The following DCDC1 variants were observed in gnomAD, a reference collection of about 807,000 sequenced individuals.
DCDC1 encodes the protein doublecortin domain-containing protein 1.
Under a neutral mutation model 178.3 loss-of-function variants are expected in DCDC1, and 200 were observed. That is an observed-to-expected ratio of 1.12 (90% confidence interval 1.00 to 1.26). The LOEUF is 1.26. Ranked by LOEUF, DCDC1 falls within the 50% of genes most tolerant of loss-of-function variation. DCDC1 has a pLI of 0.00. For missense variants in DCDC1, 1,983 were observed against 1,749.2 expected (o/e 1.13, Z -2.38); for synonymous variants, 690 against 604.8 (o/e 1.14, Z -2.07).
At chr11:30,921,474 A>T (rs1946245531) in intron 24 of DCDC1, among the ~76,000 whole-genome samples, 1 of 152,196 alleles carries the variant, frequency 6.6e-6, no homozygotes, top group Non-Finnish European at 1.5e-5. Flanking sequence ...CAAAAGTCCA[A>T]AGATAGTTTT....
At chr11:31,170,843 T>A (rs1029769178) in intron 9 of DCDC1, among the ~76,000 whole-genome samples, 3 of 152,106 alleles carry the variant, frequency 2.0e-5, no homozygotes, top group Admixed American at 6.6e-5. Context: ...TTATTTATTT[T>A]TTTGAGATGG....
At chr11:31,047,424 C>G (rs896243901) in intron 20 of DCDC1, among the ~76,000 whole-genome samples, 2 of 151,952 alleles carry the variant, frequency 1.3e-5, no homozygotes, top group East Asian at 3.9e-4. Flanking sequence ...AAATAATAAT[C>G]AAGATTGTAT....
At chr11:31,031,824 T>C (rs1405479194) in intron 20 of DCDC1, among the ~76,000 whole-genome samples, 2 of 152,318 alleles carry the variant, frequency 1.3e-5, no homozygotes, top group East Asian at 3.9e-4. Flanking sequence ...CAATGACATT[T>C]GTAGTGTAGA....
intron 36 of DCDC1, among the ~76,000 whole-genome samples, chr11:30,888,076 GAGAGAGAGAAAGAAAGAAAGAA>G (rs1943368222): frequency 2.8e-5 from 3 of 108,614 alleles, no homozygotes; most frequent in African/African-American, 1.0e-4. Context: ...GAGAGAGAGA[GAGAGAGAGAAAGAAAGAAAGAA>G]AAAGAAAGAA....
chr11:31,136,760 A>G (rs941208969), intron 10 of DCDC1, among the ~76,000 whole-genome samples: 1 of 152,136 alleles, frequency 6.6e-6, no homozygotes, highest in African/African-American at 2.4e-5. Context: ...CGACATGAAA[A>G]TCATTTTCCC....
chr11:31,142,177 A>G (rs208108), intron 9 of DCDC1, among the ~76,000 whole-genome samples: 2 of 152,056 alleles, frequency 1.3e-5, no homozygotes, highest in Non-Finnish European at 2.9e-5. Flanking sequence ...AATTTGGTCA[A>G]CCTAGTTAAT....
chr11:31,294,837 A>G (rs1377153335), intron 6 of DCDC1, among the ~76,000 whole-genome samples: 5 of 150,828 alleles, frequency 3.3e-5, no homozygotes, highest in Non-Finnish European at 4.4e-5. Context: ...AAAGAAAGAA[A>G]GAAAGAAAGA....
chr11:31,351,218 G>A (rs1951056533), intron 1 of DCDC1, among the ~76,000 whole-genome samples: 1 of 151,906 alleles, frequency 6.6e-6, no homozygotes, highest in Non-Finnish European at 1.5e-5. Flanking sequence ...TTATTTATTG[G>A]TATTTTTCTT....
chr11:31,313,714 C>T (rs1303984204), intron 3 of DCDC1, among the ~76,000 whole-genome samples: 1 of 152,038 alleles, frequency 6.6e-6, no homozygotes, highest in Non-Finnish European at 1.5e-5. Flanking sequence ...TACTCATTGG[C>T]CCATATGTAG....
At chr11:30,919,244 A>G (rs1015309908) in intron 25 of DCDC1, among the ~76,000 whole-genome samples, 2 of 152,144 alleles carry the variant, frequency 1.3e-5, no homozygotes, top group African/African-American at 4.8e-5. Flanking sequence ...AGAGAAACAT[A>G]TGGAATAATA....
intron 10 of DCDC1, among the ~76,000 whole-genome samples, chr11:31,133,525 A>C (rs1351694830): frequency 6.6e-6 from 1 of 152,222 alleles, no homozygotes; most frequent in African/African-American, 2.4e-5. Flanking sequence ...GGTAAGAAGG[A>C]AACAGAACCC....
At chr11:31,263,205 A>G in intron 8 of DCDC1, 1 of 797,164 alleles carries the variant, frequency 1.3e-6, no homozygotes, top group Non-Finnish European at 1.9e-6. Flanking sequence ...CTGATGTTTT[A>G]ATTCCAGGTG....
chr11:30,941,343 G>A (rs1947627385), intron 21 of DCDC1, among the ~76,000 whole-genome samples: 1 of 152,068 alleles, frequency 6.6e-6, no homozygotes, highest in African/African-American at 2.4e-5. Flanking sequence ...AAAAGCCAAA[G>A]GCCTTATAAT....
At chr11:31,208,124 T>C (rs770171748) in intron 9 of DCDC1, among the ~76,000 whole-genome samples, 28 of 152,222 alleles carry the variant, frequency 1.8e-4, no homozygotes, top group Non-Finnish European at 2.8e-4. Flanking sequence ...ATGGTTTTAC[T>C]TACTATCTAT....
chr11:30,914,672 T>C (rs930696662), intron 27 of DCDC1, among the ~76,000 whole-genome samples: 2 of 149,276 alleles, frequency 1.3e-5, no homozygotes, highest in Non-Finnish European at 3.0e-5. Flanking sequence ...GAGAGAAATG[T>C]GTAATCAACC....
intron 1 of DCDC1, among the ~76,000 whole-genome samples, chr11:31,363,339 T>C (rs1951801184): frequency 6.6e-6 from 1 of 152,120 alleles, no homozygotes; most frequent in South Asian, 2.1e-4. Context: ...ATAATGACAC[T>C]AATCTTATTT....
At chr11:31,041,924 A>G (rs1954485697) in intron 20 of DCDC1, among the ~76,000 whole-genome samples, 1 of 152,218 alleles carries the variant, frequency 6.6e-6, no homozygotes, top group African/African-American at 2.4e-5. Flanking sequence ...AGAACAAAGA[A>G]CTAAGTCTTA....
At chr11:31,217,812 A>G (rs951071612) in intron 9 of DCDC1, among the ~76,000 whole-genome samples, 5 of 152,156 alleles carry the variant, frequency 3.3e-5, no homozygotes, top group Admixed American at 6.5e-5. Flanking sequence ...CACTAAAGTA[A>G]TATCTCTTCA....
At position 31,213,100 on chromosome 11, in the gene DCDC1, C is replaced by CCTCTCT. The variant is rs71060480; in HGVS notation, c.1221+28344_1221+28349dup. On this transcript the variant is annotated intron_variant, in intron 9 of 38. Coordinates refer to ENST00000684477, the MANE Select transcript of DCDC1 (RefSeq NM_001387274.1). ...GTGTCATCTTCTATATAAAGCCCAG[C>CCTCTCT]CTCTCTCTCTCTCTCTCTCTCTCTC... Among the ~76,000 whole-genome samples the CCTCTCT allele has an allele frequency of 2.0e-3, 87 of 44,248 alleles. 1 individual carries two copies. The highest frequency in any genetic ancestry group is 3.3e-3 in the South Asian group (3 of 910). 29.0% of individuals were successfully genotyped at this position (44,248 alleles called of 152,430 possible). A position where few individuals can be genotyped will look rare whatever the true frequency, so the allele number is the denominator to read the frequency against.
Sources: gnomAD v4.1 joint callset for allele counts (sites outside exome capture counted in the v4.1 genomes callset) on GRCh38, gnomAD v4.1.1 for gene constraint, MANE v1.5 for transcripts, NCBI Gene and HGNC (gene_info 2026-07-23, HGNC 2026-07-21) for gene names.